Variants in ATP9B observed in about 807,000 individuals in gnomAD.
ATP9B encodes ATPase phospholipid transporting 9B, also known as probable phospholipid-transporting ATPase IIB.
Under a neutral mutation model 146.1 loss-of-function variants are expected in ATP9B, and 110 were observed. The observed-to-expected ratio is 0.75, with a 90% CI of 0.65 to 0.88. The LOEUF is 0.88. ATP9B is among the 40% of genes least tolerant of loss of function. The pLI is 0.00. For missense variants in ATP9B, 1,499 were observed against 1,496.4 expected (o/e 1.00, Z -0.03); for synonymous variants, 604 against 569.7 (o/e 1.06, Z -0.86).
chr18:79,247,233 C>T (rs2095976771), intron 11 of ATP9B, among the ~76,000 whole-genome samples: 1 of 152,240 alleles, frequency 6.6e-6, no homozygotes, highest in Admixed American at 6.5e-5. Context: ...CTGCCACACA[C>T]TAACAGATGG....
At chr18:79,363,385 G>GATGTAAACAGATGTTCATGGATTGAGAC (rs2097002146) in intron 26 of ATP9B, 6 of 150,882 alleles carry the variant, frequency 4.0e-5, no homozygotes, top group Admixed American at 2.0e-4. Context: ...TGGATTGAGA[G>GATGTAAACAGATGTTCATGGATTGAGAC]ACGTAAACAG....
chr18:79,207,013 G>A lies in ATP9B; in HGVS notation c.1030+1G>A, dbSNP rs150988101. 1 of 1,613,270 alleles carries A rather than the reference G, an allele frequency of 6.2e-7. No individual in the cohort carries two copies. Among genetic ancestry groups the A allele is most frequent in the African/African-American group, 1.3e-5 (1 of 74,904 alleles). ...TGGGCAAGCACCATTGTTGCATCAG[G>A]TAAGGAAAACATTCTCCTCTGAGTG... is the stretch of plus-strand genomic sequence containing the variant. On this transcript the variant is annotated splice_donor_variant, in intron 10 of 29. Transcript: ENST00000426216. LOFTEE classifies it high-confidence loss of function.
intron 7 of ATP9B, among the ~76,000 whole-genome samples, chr18:79,165,949 G>A (rs1295938654): frequency 6.6e-6 from 1 of 152,168 alleles, no homozygotes; most frequent in Non-Finnish European, 1.5e-5. Context: ...CCAGCAGCTT[G>A]TAAGGCAGAG....
chr18:79,093,467 A>G (rs1044828035), intron 1 of ATP9B, among the ~76,000 whole-genome samples: 1 of 152,138 alleles, frequency 6.6e-6, no homozygotes, highest in Non-Finnish European at 1.5e-5. Flanking sequence ...GCTGCTTTCA[A>G]GATTTTTTCC....
chr18:79,285,957 G>C (rs1020980637), intron 13 of ATP9B, among the ~76,000 whole-genome samples: 21 of 149,022 alleles, frequency 1.4e-4, no homozygotes, highest in Non-Finnish European at 2.5e-4. Context: ...TGAGGGCTCT[G>C]TTATGTTCCA....
chr18:79,360,599 C>G (rs962044784), intron 26 of ATP9B: 1 of 152,184 alleles, frequency 6.6e-6, no homozygotes, highest in Non-Finnish European at 1.5e-5. Flanking sequence ...CAGCTATAAC[C>G]ACTCATTAGC....
intron 7 of ATP9B, among the ~76,000 whole-genome samples, chr18:79,163,048 G>A (rs9957924): frequency 0.56 from 85,414 of 152,018 alleles, 25,679 homozygotes; most frequent in African/African-American, 0.79. Context: ...GGCCAACTTA[G>A]TAATACATTT....
chr18:79,215,322 T>C (rs962972555), intron 11 of ATP9B, among the ~76,000 whole-genome samples: 1 of 152,168 alleles, frequency 6.6e-6, no homozygotes, highest in African/African-American at 2.4e-5. Context: ...ATTGTTTGCT[T>C]GTTCACTGGG....
intron 19 of ATP9B, among the ~76,000 whole-genome samples, chr18:79,341,043 C>T (rs1459286827): frequency 6.6e-6 from 1 of 152,162 alleles, no homozygotes; most frequent in African/African-American, 2.4e-5. Flanking sequence ...ACTCACATGC[C>T]TCCATATCTC....
At chr18:79,377,023 TG>T (rs1221865110) in intron 29 of ATP9B, among the ~76,000 whole-genome samples, 1 of 152,192 alleles carries the variant, frequency 6.6e-6, no homozygotes, top group African/African-American at 2.4e-5. Flanking sequence ...GCTTTGGTTT[TG>T]TTTTTTCCAT....
At chr18:79,164,036 A>G (rs1050645611) in intron 7 of ATP9B, among the ~76,000 whole-genome samples, 5 of 151,938 alleles carry the variant, frequency 3.3e-5, no homozygotes, top group African/African-American at 7.3e-5. Context: ...CTTCCACCTC[A>G]GTTTCCCGAG....
chr18:79,363,138 A>G (rs1400972808), intron 26 of ATP9B: 2 of 152,266 alleles, frequency 1.3e-5, no homozygotes, highest in Non-Finnish European at 2.9e-5. Context: ...TGTAAACTTC[A>G]TAAAGTTTCA....
chr18:79,090,070 T>C (rs554810), intron 1 of ATP9B, among the ~76,000 whole-genome samples: 58,770 of 152,028 alleles, frequency 0.39, 11,788 homozygotes, highest in East Asian at 0.52. Flanking sequence ...AATGTCCTTT[T>C]GTTCCATTGA....
chr18:79,209,044 G>T (rs548131648), intron 10 of ATP9B, among the ~76,000 whole-genome samples: 1 of 152,172 alleles, frequency 6.6e-6, no homozygotes, highest in Non-Finnish European at 1.5e-5. Flanking sequence ...CAGCCTCTCC[G>T]CCAGGTGGTG....
chr18:79,241,487 G>A (rs938916325), intron 11 of ATP9B, among the ~76,000 whole-genome samples: 10 of 152,160 alleles, frequency 6.6e-5, no homozygotes, highest in African/African-American at 1.7e-4. Flanking sequence ...GGCCTCCGTC[G>A]TCAGCCAGGG....
intron 5 of ATP9B, 40 bp from the exon 6 acceptor site, chr18:79,143,762 G>T (rs368206878): frequency 7.4e-7 from 1 of 1,351,232 alleles, no homozygotes; most frequent in Non-Finnish European, 1.0e-6. Flanking sequence ...TGGGTGTGCT[G>T]TTGTTTCCTT....
intron 3 of ATP9B, 95 bp downstream of exon 3, chr18:79,110,600 A>G: frequency 1.6e-6 from 2 of 1,236,818 alleles, no homozygotes; most frequent in Non-Finnish European, 2.2e-6. Flanking sequence ...TGACTTAGGT[A>G]TTGAGTTGTG....
chr18:79,341,405 T>C (rs1231356272), intron 19 of ATP9B, among the ~76,000 whole-genome samples: 15 of 94,628 alleles, frequency 1.6e-4, no homozygotes, highest in African/African-American at 2.6e-4. Flanking sequence ...TTGAAGCCTG[T>C]GTTGCCGACA....
rs140566364 is a variant in ATP9B at position 79,096,599 on chromosome 18, A to G, written c.243A>G (p.Lys81=). Residue 81 remains lysine (K), a synonymous_variant, in exon 2 of 30, where the codon AAA becomes AAG. Coordinates refer to ENST00000426216, the MANE Select transcript of ATP9B (RefSeq NM_198531.5). ...TLPRARIMQR[K]RGLEWFVCDG... The stretch of plus-strand genomic sequence containing the variant: ...CACGAGCCAGGATAATGCAAAGGAA[A>G]AGAGGACTGGAGTGGTTTGTCTGTG... 3.7e-6 allele frequency: 6 copies of G among 1,614,094 alleles called. No homozygotes were observed. The African/African-American group carries it at 8.0e-5, about 22-fold the overall frequency.
Sources: allele counts gnomAD v4.1 joint callset (sites outside exome capture counted in the v4.1 genomes callset), GRCh38; gene constraint gnomAD v4.1.1; transcripts MANE v1.5; gene names NCBI Gene and HGNC (gene_info 2026-07-23, HGNC 2026-07-21).